SEMA3E: variants seen among roughly 807,000 people sequenced by gnomAD.
SEMA3E encodes semaphorin 3E.
SEMA3E carries 49 observed loss-of-function variants against 93.6 expected under a neutral mutation model. The ratio of observed to expected loss-of-function variants is 0.52; its 90% CI spans 0.42 to 0.66. The LOEUF (loss-of-function observed/expected upper bound fraction) is 0.66. Ranked by LOEUF, SEMA3E falls within the 30% of genes least tolerant of loss-of-function variation. The pLI, the probability that SEMA3E is intolerant of heterozygous loss-of-function variation, is 0.00. For missense variants in SEMA3E, 906 were observed against 964.8 expected, an observed-to-expected ratio of 0.94 and a Z score of 0.81; for synonymous variants, 363 against 330.7, an observed-to-expected ratio of 1.10 and a Z score of -1.06.
intron 1 of SEMA3E, among the ~76,000 whole-genome samples, chr7:83,508,819 A>T (rs1386144753): frequency 6.6e-6 from 1 of 152,224 alleles, no homozygotes; most frequent in African/African-American, 2.4e-5. Flanking sequence ...TGGGTAAAAT[A>T]ATAATTAATT....
intron 2 of SEMA3E, among the ~76,000 whole-genome samples, chr7:83,473,430 T>C (rs60348647): frequency 0.013 from 2,037 of 152,252 alleles, 52 homozygotes; most frequent in African/African-American, 0.046. Flanking sequence ...CTGCCTCCCC[T>C]TCCTCTATCC....
At position 83,365,850 on chromosome 7, in the gene SEMA3E, A is replaced by G. The variant is rs943199461; in HGVS notation, c.*1736T>C. 1 of 152,112 alleles carries G rather than the reference A, an allele frequency of 6.6e-6. No individual in the cohort carries two copies. Among genetic ancestry groups the G allele is most frequent in the African/African-American group, 2.4e-5 (1 of 41,446 alleles). 9.4% of individuals were successfully genotyped at this position (152,112 alleles called of 1,614,324 possible). On this transcript the variant is annotated 3_prime_UTR_variant, in exon 17 of 17. Transcript: ENST00000643230. ...CCCTGTGATCTGTGTTTGTGGTTCT[A>G]TTTCTCCAAATTGAGCAGGCTTTTA...
intron 4 of SEMA3E, among the ~76,000 whole-genome samples, chr7:83,446,573 A>G (rs944640291): frequency 3.3e-5 from 5 of 152,204 alleles, no homozygotes; most frequent in African/African-American, 1.2e-4. Context: ...ATCAAATTGA[A>G]AGAGTGGAAA....
chr7:83,466,986 A>G (rs555710070), intron 3 of SEMA3E, among the ~76,000 whole-genome samples: 24 of 152,276 alleles, frequency 1.6e-4, no homozygotes, highest in African/African-American at 5.1e-4. Flanking sequence ...CAGTATAAAC[A>G]ATGAATCAGC....
chr7:83,465,400 T>G (rs911880084), intron 4 of SEMA3E, among the ~76,000 whole-genome samples: 2 of 152,084 alleles, frequency 1.3e-5, no homozygotes, highest in Non-Finnish European at 2.9e-5. Flanking sequence ...TGATAAAATC[T>G]CCCTATATAG....
chr7:83,403,918 T>A (rs1282550202), intron 9 of SEMA3E, among the ~76,000 whole-genome samples: 1 of 151,922 alleles, frequency 6.6e-6, no homozygotes, highest in Non-Finnish European at 1.5e-5. Context: ...TTATATAAAT[T>A]GAACAGTCAA....
rs961496273 is a variant in SEMA3E, at chr7:83,592,208, C to T, written c.115+56220G>A. 1.2e-4 allele frequency among the ~76,000 whole-genome samples: 18 copies of T among 151,820 alleles called. No individual in the cohort carries two copies. In the East Asian group the frequency reaches 1.6e-3, roughly 13 times the overall value. On this transcript the variant is annotated intron_variant, in intron 1 of 16. Transcript: ENST00000643230. ...TATTTACATATAAAATAATGAAATTCGGACATCTTTTTTTGCTGTGAGAAT... is the reference window on the plus strand; with the variant it reads ...TATTTACATATAAAATAATGAAATTTGGACATCTTTTTTTGCTGTGAGAAT...
At chr7:83,373,212 T>C (rs1457880928) in intron 16 of SEMA3E, 2 of 152,144 alleles carry the variant, frequency 1.3e-5, no homozygotes, top group Non-Finnish European at 2.9e-5. Flanking sequence ...GAAGCAGTTA[T>C]TTCCATGTCT....
intron 1 of SEMA3E, among the ~76,000 whole-genome samples, chr7:83,499,065 A>G (rs778931710): frequency 6.6e-6 from 1 of 152,186 alleles, no homozygotes; most frequent in Non-Finnish European, 1.5e-5. Context: ...AAAATATCTT[A>G]GAAGTATTTC....
chr7:83,394,430 T>C (rs1318031730), intron 12 of SEMA3E, 92 bp from the exon 13 acceptor site: 4 of 1,015,488 alleles, frequency 3.9e-6, no homozygotes, highest in Admixed American at 2.0e-5. Flanking sequence ...ACATTACTTA[T>C]ATAAGTGGTT....
At chr7:83,530,507 T>C (rs558582389) in intron 1 of SEMA3E, among the ~76,000 whole-genome samples, 2 of 152,296 alleles carry the variant, frequency 1.3e-5, no homozygotes, top group East Asian at 3.9e-4. Context: ...TGGAACAGTA[T>C]ATAGCCATTA....
intron 1 of SEMA3E, among the ~76,000 whole-genome samples, chr7:83,599,404 T>C (rs1562849340): frequency 6.6e-6 from 1 of 152,202 alleles, no homozygotes; most frequent in Non-Finnish European, 1.5e-5. Context: ...AATTTGATCA[T>C]TTTAATCTCA....
Position 83,581,418 on chromosome 7 carries a change from A to G in SEMA3E, c.115+67010T>C, listed in dbSNP as rs569449924. On this transcript the variant is annotated intron_variant, in intron 1 of 16. Coordinates refer to ENST00000643230, the MANE Select transcript of SEMA3E (RefSeq NM_012431.3). ...AAGAACAAGGAAGTGAACTCTATCA[A>G]TTTTCCCGTTTGAAGGACCAGTCCT... Among the ~76,000 whole-genome samples, 7 of 152,042 alleles carry G rather than the reference A, an allele frequency of 4.6e-5. No homozygotes were observed. The South Asian group carries it at 1.4e-3, about 31-fold the overall frequency.
chr7:83,411,395 C>T (rs1249601093), intron 5 of SEMA3E, among the ~76,000 whole-genome samples: 1 of 152,000 alleles, frequency 6.6e-6, no homozygotes, highest in Non-Finnish European at 1.5e-5. Flanking sequence ...TAAATAGAAA[C>T]AAATGTGTTT....
At chr7:83,558,331 G>A (rs1324631747) in intron 1 of SEMA3E, among the ~76,000 whole-genome samples, 1 of 152,094 alleles carries the variant, frequency 6.6e-6, no homozygotes, top group Admixed American at 6.6e-5. Context: ...TTTTCAAAAT[G>A]CACATTTTTC....
intron 1 of SEMA3E, among the ~76,000 whole-genome samples, chr7:83,537,589 A>C (rs1791432896): frequency 6.6e-6 from 1 of 152,160 alleles, no homozygotes; most frequent in South Asian, 2.1e-4. Flanking sequence ...TCTGCCCCAG[A>C]AGCAACAAAT....
chr7:83,549,099 C>G (rs1406788532), intron 1 of SEMA3E, among the ~76,000 whole-genome samples: 1 of 152,130 alleles, frequency 6.6e-6, no homozygotes, highest in African/African-American at 2.4e-5. Flanking sequence ...AATATTTCAT[C>G]TCCAACCAAA....
chr7:83,550,074 A>G (rs937261825), intron 1 of SEMA3E, among the ~76,000 whole-genome samples: 3 of 97,742 alleles, frequency 3.1e-5, no homozygotes, highest in Non-Finnish European at 1.9e-5. Context: ...ACACAAATCA[A>G]TCCACAAAAA....
chr7:83,530,084 A>G (rs1261319890), intron 1 of SEMA3E, among the ~76,000 whole-genome samples: 1 of 152,142 alleles, frequency 6.6e-6, no homozygotes, highest in African/African-American at 2.4e-5. Flanking sequence ...TGCAGTGATC[A>G]AAAGAGAATC....
Sources: allele counts gnomAD v4.1 joint callset (sites outside exome capture counted in the v4.1 genomes callset), GRCh38; gene constraint gnomAD v4.1.1; transcripts MANE v1.5; gene names NCBI Gene and HGNC (gene_info 2026-07-23, HGNC 2026-07-21).